Variants in EPHB1 observed in about 807,000 individuals in gnomAD.
The protein encoded by EPHB1 is EPH receptor B1.
EPHB1 carries 30 observed loss-of-function variants against 94.4 expected under a neutral mutation model. That is an observed-to-expected ratio of 0.32 (90% CI 0.24 to 0.43). The LOEUF (loss-of-function observed/expected upper bound fraction) is 0.43, where lower values mean the gene tolerates loss of function less well. Ranked by LOEUF, EPHB1 falls within the 20% of genes least tolerant of loss-of-function variation. The pLI, the probability that EPHB1 is intolerant of heterozygous loss-of-function variation, is 1.00. For synonymous variants in EPHB1, 522 were observed against 489.1 expected (o/e 1.07, Z -0.89); for missense variants, 1,055 against 1,308.3 (o/e 0.81, Z 2.99).
At position 135,254,902 on chromosome 3, in the gene EPHB1, T is replaced by G. The variant is rs1254757085; in HGVS notation, c.2847-4110T>G. On this transcript the variant is annotated intron_variant, in intron 15 of 15. Coordinates refer to ENST00000398015, the MANE Select transcript of EPHB1 (RefSeq NM_004441.5). The stretch of plus-strand genomic sequence containing the variant: ...ATTGCCACAATTTCAGATCCTGTTA[T>G]TGGTCTATTCAGAGATTCAACTTCT... Among the ~76,000 whole-genome samples, 7 of 152,330 alleles carry G rather than the reference T, an allele frequency of 4.6e-5. No homozygotes were observed. In the East Asian group the frequency reaches 1.4e-3, roughly 29 times the overall value.
intron 10 of EPHB1, among the ~76,000 whole-genome samples, chr3:135,183,030 C>CTTTTCTTTTCTTTCTTTTCTTTTCT (rs11459145): frequency 3.0e-5 from 2 of 67,182 alleles, no homozygotes; most frequent in Non-Finnish European, 5.6e-5. Context: ...CTTTTCTTTT[C>CTTTTCTTTTCTTTCTTTTCTTTTCT]TTTCTTTCTT....
In EPHB1 at chr3:135,236,855, G is replaced by A. The variant is rs562320717; in HGVS notation, c.2347-4293G>A. ...AGACACATAGAAGTGCTACCCTCTG[G>A]GCTTCTCAACAATAAGCAATTAGCA... On this transcript the variant is annotated intron_variant, in intron 12 of 15. Transcript: ENST00000398015. 2.0e-5 allele frequency among the ~76,000 whole-genome samples: 3 copies of A among 152,228 alleles called. No homozygotes were observed. The East Asian group carries it at 5.8e-4, about 29-fold the overall frequency.
chr3:134,945,411 G>GTA (rs1264165728), intron 2 of EPHB1, among the ~76,000 whole-genome samples: 4 of 152,128 alleles, frequency 2.6e-5, no homozygotes, highest in African/African-American at 9.7e-5. Context: ...CTGGAGTAAG[G>GTA]TATAAGTATG....
intron 10 of EPHB1, among the ~76,000 whole-genome samples, chr3:135,188,460 A>G (rs564197894): frequency 3.9e-5 from 6 of 152,186 alleles, no homozygotes; most frequent in Non-Finnish European, 8.8e-5. Flanking sequence ...ACGCCACTGC[A>G]ATCCAGCCTG....
At chr3:134,855,247 C>T (rs2037086506) in intron 1 of EPHB1, among the ~76,000 whole-genome samples, 1 of 152,110 alleles carries the variant, frequency 6.6e-6, no homozygotes, top group Non-Finnish European at 1.5e-5. Context: ...CAGAGACTTC[C>T]AGGCAGGCTT....
chr3:135,173,227 G>A (rs1941863526), intron 9 of EPHB1, among the ~76,000 whole-genome samples: 1 of 151,558 alleles, frequency 6.6e-6, no homozygotes, highest in South Asian at 2.1e-4. Context: ...GTAGAGACGG[G>A]GTTTCACCGT....
intron 4 of EPHB1, among the ~76,000 whole-genome samples, chr3:135,118,080 C>T (rs1197362383): frequency 6.6e-6 from 1 of 152,206 alleles, no homozygotes; most frequent in African/African-American, 2.4e-5. Flanking sequence ...CAAAGGGGAA[C>T]TGAGCACCAG....
intron 10 of EPHB1, among the ~76,000 whole-genome samples, chr3:135,184,278 ACCCACGG>A (rs1379919566): frequency 6.6e-6 from 1 of 152,112 alleles, no homozygotes; most frequent in Non-Finnish European, 1.5e-5. Context: ...GTGAGTGAAG[ACCCACGG>A]AGGGAAAGTT....
chr3:135,037,830 A>G (rs954437286), intron 3 of EPHB1, among the ~76,000 whole-genome samples: 3 of 152,138 alleles, frequency 2.0e-5, no homozygotes, highest in Non-Finnish European at 4.4e-5. Flanking sequence ...TGAGTGGTGA[A>G]TTTTATTAAA....
At chr3:134,803,593 C>A (rs1358643467) in intron 1 of EPHB1, among the ~76,000 whole-genome samples, 1 of 152,196 alleles carries the variant, frequency 6.6e-6, no homozygotes, top group Non-Finnish European at 1.5e-5. Flanking sequence ...ATGCTCCCAA[C>A]CACTCATTGA....
At chr3:135,204,307 G>A (rs565712314) in intron 12 of EPHB1, among the ~76,000 whole-genome samples, 3 of 152,176 alleles carry the variant, frequency 2.0e-5, no homozygotes, top group East Asian at 1.9e-4. Context: ...GAGTTTAAGC[G>A]ATTCTCCTGT....
intron 4 of EPHB1, among the ~76,000 whole-genome samples, chr3:135,126,712 C>G (rs1210144873): frequency 1.3e-5 from 2 of 152,306 alleles, no homozygotes; most frequent in East Asian, 3.9e-4. Context: ...TTGATTTGCA[C>G]TGGTCATGTC....
chr3:135,123,698 G>GAGGGAATGATGGAAAAGGAATTACTATCA (rs1940076351), intron 4 of EPHB1, among the ~76,000 whole-genome samples: 1 of 148,130 alleles, frequency 6.8e-6, no homozygotes, highest in African/African-American at 2.7e-5. Context: ...TTTTCTTATT[G>GAGGGAATGATGGAAAAGGAATTACTATCA]TTAAGTTGGG....
intron 1 of EPHB1, among the ~76,000 whole-genome samples, chr3:134,802,961 A>G (rs562978585): frequency 5.5e-4 from 83 of 152,124 alleles, no homozygotes; most frequent in Non-Finnish European, 9.4e-4. Context: ...CTGCTTGCGA[A>G]AAGAGGGAAA....
chr3:135,046,522 ACT>A (rs1233539244), intron 3 of EPHB1, among the ~76,000 whole-genome samples: 1 of 152,136 alleles, frequency 6.6e-6, no homozygotes, highest in African/African-American at 2.4e-5. Flanking sequence ...TTCAACAGAG[ACT>A]CTACTGTACA....
intron 3 of EPHB1, among the ~76,000 whole-genome samples, chr3:135,102,136 T>C (rs1396981618): frequency 6.6e-6 from 1 of 152,256 alleles, no homozygotes; most frequent in Non-Finnish European, 1.5e-5. Context: ...AGAACTCTGT[T>C]ATTTACCTTA....
At chr3:135,176,036 A>G (rs1290961280) in intron 9 of EPHB1, among the ~76,000 whole-genome samples, 1 of 148,882 alleles carries the variant, frequency 6.7e-6, no homozygotes, top group African/African-American at 2.4e-5. Flanking sequence ...GCCTAGCTAA[A>G]GGCTTTTTTT....
At chr3:135,147,300 G>C (rs1326225990) in intron 5 of EPHB1, among the ~76,000 whole-genome samples, 1 of 152,224 alleles carries the variant, frequency 6.6e-6, no homozygotes, top group Non-Finnish European at 1.5e-5. Context: ...GAGAATAGAA[G>C]AGGTTAGTAT....
chr3:135,169,184 C>T (rs1275868108), intron 9 of EPHB1, among the ~76,000 whole-genome samples: 3 of 152,174 alleles, frequency 2.0e-5, no homozygotes, highest in Non-Finnish European at 4.4e-5. Context: ...GAAGATTTTA[C>T]TGGTTCCTGA....
Sources: gnomAD v4.1 joint callset for allele counts (sites outside exome capture counted in the v4.1 genomes callset) on GRCh38, gnomAD v4.1.1 for gene constraint, MANE v1.5 for transcripts, NCBI Gene and HGNC (gene_info 2026-07-23, HGNC 2026-07-21) for gene names.